OTOGL: variants seen among roughly 807,000 people sequenced by gnomAD.
The protein encoded by OTOGL is otogelin-like protein.
A neutral mutation model predicts 318.5 loss-of-function variants in OTOGL; 285 were observed. That is an observed-to-expected ratio of 0.89 (90% confidence interval 0.81 to 0.99). The LOEUF is 0.99. Ranked by LOEUF, OTOGL falls within the 50% of genes least tolerant of loss-of-function variation. The pLI, the probability that OTOGL is intolerant of heterozygous loss-of-function variation, is 0.00. For missense variants in OTOGL, 2,899 were observed against 2,845.6 expected (o/e 1.02, Z -0.43); for synonymous variants, 987 against 936.5 (o/e 1.05, Z -0.99).
chr12:80,287,920 G>A (rs7972686), intron 26 of OTOGL, among the ~76,000 whole-genome samples: 4,930 of 152,216 alleles, frequency 0.032, 267 homozygotes, highest in African/African-American at 0.11. Context: ...ATTTTTAGGT[G>A]TGAATTTGAT....
intron 27 of OTOGL, among the ~76,000 whole-genome samples, chr12:80,301,804 C>T (rs1218362301): frequency 6.6e-6 from 1 of 152,168 alleles, no homozygotes; most frequent in Non-Finnish European, 1.5e-5. Context: ...AAGCCTGAAA[C>T]CATAGATAGT....
chr12:80,301,661 A>T (rs1444558521), intron 27 of OTOGL, among the ~76,000 whole-genome samples: 1 of 151,854 alleles, frequency 6.6e-6, no homozygotes, highest in East Asian at 1.9e-4. Flanking sequence ...CCTCTTGCAG[A>T]TCAGTTCACA....
At chr12:80,189,379 G>A (rs1198525062) in intron 1 of OTOGL, 1 of 954,740 alleles carries the variant, frequency 1.0e-6, no homozygotes, top group Non-Finnish European at 1.2e-6. Flanking sequence ...GTAAAACAAA[G>A]AGAATCCAGT....
chr12:80,338,452 A>G (rs1402146979), intron 42 of OTOGL, among the ~76,000 whole-genome samples: 1 of 152,060 alleles, frequency 6.6e-6, no homozygotes, highest in African/African-American at 2.4e-5. Flanking sequence ...GTTACAGCTC[A>G]TGGCTTCATG....
intron 35 of OTOGL, among the ~76,000 whole-genome samples, chr12:80,328,001 G>A (rs1470410855): frequency 1.6e-5 from 2 of 128,920 alleles, no homozygotes; most frequent in African/African-American, 6.0e-5. Context: ...GAAAGCAACA[G>A]TACAATCAAT....
intron 26 of OTOGL, among the ~76,000 whole-genome samples, chr12:80,280,084 C>T (rs576294368): frequency 1.3e-5 from 2 of 151,764 alleles, no homozygotes; most frequent in East Asian, 3.9e-4. Context: ...TGCTTGTTGG[C>T]TGCATGTATG....
At chr12:80,262,687 C>T (rs1882642234) in intron 19 of OTOGL, among the ~76,000 whole-genome samples, 1 of 151,898 alleles carries the variant, frequency 6.6e-6, no homozygotes, top group Non-Finnish European at 1.5e-5. Flanking sequence ...ACTAAAGCCC[C>T]AGCAAACCAT....
At chr12:80,134,648 T>C (rs993729304) in intron 1 of OTOGL, among the ~76,000 whole-genome samples, 5 of 152,212 alleles carry the variant, frequency 3.3e-5, no homozygotes, top group Admixed American at 1.3e-4. Context: ...CATATCATTA[T>C]TGGCAGCAGT....
At chr12:80,176,723 G>A (rs1874552858) in intron 1 of OTOGL, among the ~76,000 whole-genome samples, 1 of 152,066 alleles carries the variant, frequency 6.6e-6, no homozygotes, top group Non-Finnish European at 1.5e-5. Flanking sequence ...ATTTTGTGTA[G>A]TTAGATGCTT....
At chr12:80,192,612 A>G (rs1875772337) in intron 1 of OTOGL, among the ~76,000 whole-genome samples, 1 of 152,236 alleles carries the variant, frequency 6.6e-6, no homozygotes, top group African/African-American at 2.4e-5. Flanking sequence ...AGCATTACCC[A>G]ACTGCCACTC....
In OTOGL at chr12:80,278,366, C is replaced by CA. The variant is rs1883966238; in HGVS notation, c.2789+96dup. 16 of 1,058,688 alleles carry CA rather than the reference C, an allele frequency of 1.5e-5. No individual in the cohort carries two copies. In the East Asian group the frequency reaches 4.2e-4, roughly 28 times the overall value. 65.6% of individuals were successfully genotyped at this position (1,058,688 alleles called of 1,614,324 possible). On this transcript the variant is annotated intron_variant, in intron 25 of 58. Coordinates refer to ENST00000547103, the MANE Select transcript of OTOGL (RefSeq NM_001378609.3). Reference sequence around the variant, plus strand: ...ATTTATTTAATGAGACTGACATCAGCAAAAAGTAAATCAAGCCTCAGCAAA... The same window carrying CA: ...ATTTATTTAATGAGACTGACATCAGCAAAAAAGTAAATCAAGCCTCAGCAAA...
intron 1 of OTOGL, among the ~76,000 whole-genome samples, chr12:80,148,690 C>A (rs993996269): frequency 2.6e-5 from 4 of 152,294 alleles, no homozygotes; most frequent in African/African-American, 4.8e-5. Flanking sequence ...TTCAGGTACA[C>A]GAATCAGATG....
At chr12:80,181,474 A>G (rs552059473) in intron 1 of OTOGL, among the ~76,000 whole-genome samples, 3 of 152,050 alleles carry the variant, frequency 2.0e-5, no homozygotes, top group African/African-American at 7.2e-5. Context: ...TCCCCTAGGG[A>G]GTCTCCAATC....
At position 80,220,628 on chromosome 12, in the gene OTOGL, T is replaced by A. The variant is rs554525989; in HGVS notation, c.334+716T>A. Among the ~76,000 whole-genome samples, 1,158 of 116,880 alleles carry A rather than the reference T, an allele frequency of 9.9e-3. 95 individuals carry two copies. The highest frequency in any genetic ancestry group is 0.033 in the African/African-American group (1,050 of 31,930). 76.7% of individuals were successfully genotyped at this position (116,880 alleles called of 152,430 possible). On this transcript the variant is annotated intron_variant, in intron 6 of 58. Transcript: ENST00000547103. The stretch of plus-strand genomic sequence containing the variant: ...GGGCAAGGGCTTTTTTTTTTTTTTT[T>A]AAATCTTTTATCCACAGTGTCTAAG...
intron 34 of OTOGL, among the ~76,000 whole-genome samples, chr12:80,321,731 AAAG>A (rs1245786538): frequency 6.6e-6 from 1 of 152,202 alleles, no homozygotes; most frequent in Non-Finnish European, 1.5e-5. Flanking sequence ...GAACAAAGAA[AAAG>A]AAGCTCTAAT....
chr12:80,340,328 TTAGAG>T (rs1888683933), intron 43 of OTOGL, among the ~76,000 whole-genome samples: 1 of 152,106 alleles, frequency 6.6e-6, no homozygotes, highest in South Asian at 2.1e-4. Context: ...CCTCACTTGT[TTAGAG>T]TATGCTAAAC....
intron 11 of OTOGL, among the ~76,000 whole-genome samples, chr12:80,243,368 C>T (rs1437165260): frequency 6.6e-6 from 1 of 151,990 alleles, no homozygotes; most frequent in Non-Finnish European, 1.5e-5. Context: ...CAATCATTCT[C>T]AGATGAATTT....
At chr12:80,346,906 C>T (rs1274928380) in intron 44 of OTOGL, among the ~76,000 whole-genome samples, 1 of 152,126 alleles carries the variant, frequency 6.6e-6, no homozygotes, top group Non-Finnish European at 1.5e-5. Context: ...GGTAACATAT[C>T]GAGATAAAGA....
At position 80,255,193 on chromosome 12, in the gene OTOGL, C is replaced by T. The variant is rs752623344; in HGVS notation, c.1587+8C>T. ...AAAGCTCCCTGTGAGCAGGTAAGAA[C>T]ATTTCAAAATGACCAGAGGAATATG... On this transcript the variant is annotated splice_region_variant and intron_variant, in intron 16 of 58. Coordinates refer to ENST00000547103, the MANE Select transcript of OTOGL (RefSeq NM_001378609.3). 4 of 1,448,646 alleles carry T rather than the reference C, an allele frequency of 2.8e-6. No individual in the cohort carries two copies. The highest frequency in any genetic ancestry group is 2.9e-5 in the African/African-American group (2 of 69,014). 89.7% of individuals were successfully genotyped at this position (1,448,646 alleles called of 1,614,324 possible).
Sources: allele counts gnomAD v4.1 joint callset (sites outside exome capture counted in the v4.1 genomes callset), GRCh38; gene constraint gnomAD v4.1.1; transcripts MANE v1.5; gene names NCBI Gene and HGNC (gene_info 2026-07-23, HGNC 2026-07-21).